The following FAF1 variants were observed in gnomAD, a reference collection of about 807,000 sequenced individuals.
The protein encoded by FAF1 is FAS-associated factor 1.
Under a neutral mutation model 92.5 loss-of-function variants are expected in FAF1, and 25 were observed. The ratio of observed to expected loss-of-function variants is 0.27; its 90% CI spans 0.20 to 0.38. FAF1 has a LOEUF of 0.38. Among genes scored for constraint, FAF1 ranks in the 10% least tolerant of loss-of-function variants. The pLI, the probability that FAF1 is intolerant of heterozygous loss-of-function variation, is 1.00. For synonymous variants in FAF1, 234 were observed against 273.2 expected, an observed-to-expected ratio of 0.86 and a Z score of 1.42; for missense variants, 636 against 793.3, an observed-to-expected ratio of 0.80 and a Z score of 2.38.
At chr1:50,894,397 T>G (rs1229265004) in intron 1 of FAF1, among the ~76,000 whole-genome samples, 1 of 149,520 alleles carries the variant, frequency 6.7e-6, no homozygotes, top group African/African-American at 2.5e-5. Context: ...TTCAGGACAG[T>G]GGGCTCCCCA....
chr1:50,843,352 T>C (rs190835713), intron 2 of FAF1, among the ~76,000 whole-genome samples: 4 of 152,264 alleles, frequency 2.6e-5, no homozygotes, highest in African/African-American at 4.8e-5. Context: ...ATCTGGGTAA[T>C]TGGGATAACC....
intron 15 of FAF1, among the ~76,000 whole-genome samples, chr1:50,529,470 A>C (rs573389118): frequency 2.6e-5 from 4 of 152,338 alleles, no homozygotes; most frequent in African/African-American, 9.6e-5. Flanking sequence ...AATATAATTT[A>C]TCTTACATTC....
intron 7 of FAF1, among the ~76,000 whole-genome samples, chr1:50,689,047 T>A (rs1318637363): frequency 6.6e-6 from 1 of 152,118 alleles, no homozygotes; most frequent in Non-Finnish European, 1.5e-5. Context: ...AGTTACTGTT[T>A]AATGGGTACA....
intron 7 of FAF1, among the ~76,000 whole-genome samples, chr1:50,700,088 G>A (rs760659538): frequency 1.3e-5 from 2 of 151,110 alleles, no homozygotes; most frequent in East Asian, 3.9e-4. Context: ...CAAAAATAAC[G>A]CACTTGAAAA....
chr1:50,960,159 G>A lies in FAF1; in HGVS notation c.-348C>T, dbSNP rs1365059290. On this transcript the variant is annotated 5_prime_UTR_variant, in exon 1 of 19. It adds an upstream start codon to the 5' untranslated region. Coordinates refer to ENST00000396153, the MANE Select transcript of FAF1 (RefSeq NM_007051.3). The stretch of plus-strand genomic sequence containing the variant: ...CGCGCACCCGGATACCTTCAGCGGC[G>A]TTAAGCCCGGCGGGGGCGGGGAAAC... 3.1e-6 allele frequency: 1 copy of A among 327,462 alleles called. No homozygotes were observed. Among genetic ancestry groups the A allele is most frequent in the Non-Finnish European group, 5.6e-6 (1 of 179,312 alleles). 20.3% of individuals were successfully genotyped at this position (327,462 alleles called of 1,614,324 possible). A position where few individuals can be genotyped will look rare whatever the true frequency, so the allele number is the denominator to read the frequency against.
chr1:50,659,246 G>A (rs911574391), intron 7 of FAF1, among the ~76,000 whole-genome samples: 19 of 151,754 alleles, frequency 1.3e-4, no homozygotes, highest in Non-Finnish European at 2.9e-5. Flanking sequence ...GAAGAAAGAG[G>A]GAGGGGGAAG....
chr1:50,865,100 C>A (rs1390060345), intron 1 of FAF1, among the ~76,000 whole-genome samples: 1 of 152,226 alleles, frequency 6.6e-6, no homozygotes, highest in South Asian at 2.1e-4. Context: ...CTCACCATCA[C>A]TGGCCATCAG....
intron 3 of FAF1, among the ~76,000 whole-genome samples, chr1:50,788,737 C>T (rs1303195622): frequency 6.6e-6 from 1 of 152,196 alleles, no homozygotes; most frequent in Admixed American, 6.5e-5. Flanking sequence ...AACATCAAAT[C>T]CACAAACAAG....
At chr1:50,853,046 G>A (rs1644363319) in intron 2 of FAF1, among the ~76,000 whole-genome samples, 1 of 152,108 alleles carries the variant, frequency 6.6e-6, no homozygotes, top group South Asian at 2.1e-4. Flanking sequence ...ACTGATGAAG[G>A]GCAGTGCTCA....
chr1:50,631,408 A>G (rs1048916921), intron 8 of FAF1, among the ~76,000 whole-genome samples: 2 of 152,146 alleles, frequency 1.3e-5, no homozygotes, highest in Non-Finnish European at 2.9e-5. Flanking sequence ...CAACCTGCCT[A>G]TTAGTCATTT....
rs1644238023 is a variant in FAF1, at chr1:50,839,319, C to T, written c.114+18610G>A. Among the ~76,000 whole-genome samples, 3 of 152,132 alleles carry T rather than the reference C, an allele frequency of 2.0e-5. No homozygotes were observed. In the South Asian group the frequency reaches 6.2e-4, roughly 31 times the overall value. ...CCCCAACACCAAGCAAATGGTCACACACTCCAAGTTCACATACTCCCGCTA... is the reference window on the plus strand; with the variant it reads ...CCCCAACACCAAGCAAATGGTCACATACTCCAAGTTCACATACTCCCGCTA... On this transcript the variant is annotated intron_variant, in intron 2 of 18. Transcript: ENST00000396153.
At chr1:50,839,402 G>A (rs1010017927) in intron 2 of FAF1, among the ~76,000 whole-genome samples, 5 of 152,116 alleles carry the variant, frequency 3.3e-5, no homozygotes, top group African/African-American at 7.2e-5. Flanking sequence ...GACTTTAGTC[G>A]CATTTCATAT....
intron 2 of FAF1, among the ~76,000 whole-genome samples, chr1:50,841,325 G>C (rs1362786231): frequency 6.6e-6 from 1 of 151,788 alleles, no homozygotes; most frequent in Non-Finnish European, 1.5e-5. Flanking sequence ...ACCCAAAAGA[G>C]TTTAAGAAAA....
intron 13 of FAF1, among the ~76,000 whole-genome samples, chr1:50,561,848 C>CGGAAGGAAGGAAGGAAGGAAGGAA (rs373578502): frequency 2.3e-4 from 29 of 128,550 alleles, no homozygotes; most frequent in African/African-American, 2.9e-4. Flanking sequence ...GACGGATGGA[C>CGGAAGGAAGGAAGGAAGGAAGGAA]GGAAGGAAGG....
intron 2 of FAF1, among the ~76,000 whole-genome samples, chr1:50,814,794 C>T (rs1643951660): frequency 1.3e-5 from 2 of 152,084 alleles, no homozygotes; most frequent in Admixed American, 1.3e-4. Flanking sequence ...TAGAGAAAAG[C>T]AAATCAAAAC....
chr1:50,456,241 G>A (rs1449957225), intron 18 of FAF1, among the ~76,000 whole-genome samples: 1 of 152,104 alleles, frequency 6.6e-6, no homozygotes, highest in Non-Finnish European at 1.5e-5. Flanking sequence ...TACACTGCAG[G>A]CTTGTGCCAC....
chr1:50,505,260 CA>C (rs1647045336), intron 15 of FAF1, among the ~76,000 whole-genome samples: 1 of 152,084 alleles, frequency 6.6e-6, no homozygotes, highest in Non-Finnish European at 1.5e-5. Flanking sequence ...ACAGACACCT[CA>C]CAATAGGTTC....
intron 17 of FAF1, among the ~76,000 whole-genome samples, chr1:50,476,773 A>G (rs1646643807): frequency 2.0e-5 from 3 of 152,164 alleles, no homozygotes; most frequent in Admixed American, 2.0e-4. Flanking sequence ...GTGTCTGGTA[A>G]TAAAAAAATT....
chr1:50,629,712 T>C (rs1483094630), intron 8 of FAF1, among the ~76,000 whole-genome samples: 1 of 152,074 alleles, frequency 6.6e-6, no homozygotes, highest in Non-Finnish European at 1.5e-5. Context: ...AATGTGTAAA[T>C]GTGGGGATAA....
Sources: allele counts gnomAD v4.1 joint callset (sites outside exome capture counted in the v4.1 genomes callset), GRCh38; gene constraint gnomAD v4.1.1; transcripts MANE v1.5; gene names NCBI Gene and HGNC (gene_info 2026-07-23, HGNC 2026-07-21).